The following ZC3H18 variants were observed in gnomAD, a reference collection of about 807,000 sequenced individuals.
ZC3H18 encodes the protein zinc finger CCCH-type containing 18, also known as zinc finger CCCH domain-containing protein 18.
Under a neutral mutation model 106.1 loss-of-function variants are expected in ZC3H18, and 8 were observed. That is an observed-to-expected ratio of 0.08 (90% CI 0.04 to 0.14). ZC3H18 has a LOEUF of 0.14. ZC3H18 is among the 10% of genes least tolerant of loss of function. The pLI is 1.00. For missense variants in ZC3H18, 1,318 were observed against 1,278.4 expected (o/e 1.03, Z -0.47); for synonymous variants, 635 against 522.1 (o/e 1.22, Z -2.95).
At chr16:88,600,957 C>G (rs1391052270) in intron 6 of ZC3H18, among the ~76,000 whole-genome samples, 1 of 152,220 alleles carries the variant, frequency 6.6e-6, no homozygotes, top group Non-Finnish European at 1.5e-5. Context: ...ATCATAATCA[C>G]TATGATTTCT....
chr16:88,608,027 T>C (rs776621929), intron 6 of ZC3H18, among the ~76,000 whole-genome samples: 3 of 152,248 alleles, frequency 2.0e-5, no homozygotes, highest in East Asian at 1.9e-4. Flanking sequence ...GTGAAGACAC[T>C]GATTTCTATG....
At chr16:88,606,550 A>G (rs774335994) in intron 6 of ZC3H18, among the ~76,000 whole-genome samples, 17 of 152,286 alleles carry the variant, frequency 1.1e-4, no homozygotes, top group Middle Eastern at 3.4e-3. Flanking sequence ...TTTCTACCCT[A>G]TTGGGCTTAC....
chr16:88,621,190 G>C (rs976004433), intron 8 of ZC3H18, among the ~76,000 whole-genome samples: 1 of 151,204 alleles, frequency 6.6e-6, no homozygotes, highest in Non-Finnish European at 1.5e-5. Context: ...GATTACAGGC[G>C]CCCGCCACCA....
chr16:88,593,189 A>G (rs1468255734), intron 3 of ZC3H18, among the ~76,000 whole-genome samples: 2 of 152,194 alleles, frequency 1.3e-5, no homozygotes. Context: ...AGGCCCTGCC[A>G]CTTAGCATTG....
intron 16 of ZC3H18, chr16:88,630,168 CTTG>C (rs1208513346): frequency 8.9e-5 from 28 of 315,798 alleles, no homozygotes; most frequent in Admixed American, 1.4e-4. Flanking sequence ...CCATGTCTTT[CTTG>C]TTGTTCCGTA....
intron 3 of ZC3H18, among the ~76,000 whole-genome samples, chr16:88,589,933 AT>A (rs1915644996): frequency 1.3e-5 from 2 of 152,254 alleles, no homozygotes; most frequent in Non-Finnish European, 2.9e-5. Context: ...TACACATTAA[AT>A]GGGAGTATTT....
chr16:88,603,701 C>T (rs1904867154), intron 6 of ZC3H18, among the ~76,000 whole-genome samples: 1 of 149,448 alleles, frequency 6.7e-6, no homozygotes, highest in Non-Finnish European at 1.5e-5. Flanking sequence ...GGGCTCACTG[C>T]AAGCTCTGCC....
chr16:88,592,794 G>A (rs1915828881), intron 3 of ZC3H18, among the ~76,000 whole-genome samples: 1 of 152,176 alleles, frequency 6.6e-6, no homozygotes, highest in Non-Finnish European at 1.5e-5. Context: ...ACCATGCACT[G>A]GCATTTCGAA....
At chr16:88,611,157 G>C (rs1905250270) in intron 7 of ZC3H18, 111 bp from the exon 8 acceptor site, 4 of 687,666 alleles carry the variant, frequency 5.8e-6, no homozygotes, top group Non-Finnish European at 1.1e-5. Context: ...GTGGGGTACA[G>C]GTGTGATTCT....
intron 6 of ZC3H18, 112 bp downstream of exon 6, chr16:88,600,060 C>G: frequency 1.5e-6 from 2 of 1,320,266 alleles, no homozygotes. Flanking sequence ...CCCAGCCCCA[C>G]TCACTGGAGT....
At chr16:88,605,587 C>T (rs1302730504) in intron 6 of ZC3H18, among the ~76,000 whole-genome samples, 2 of 152,228 alleles carry the variant, frequency 1.3e-5, no homozygotes, top group African/African-American at 4.8e-5. Context: ...GAGGTCAGCA[C>T]GATTTCAACC....
chr16:88,598,366 A>T (rs1377904723), intron 4 of ZC3H18, 40 bp downstream of exon 4: 2 of 1,570,178 alleles, frequency 1.3e-6, no homozygotes, highest in African/African-American at 2.7e-5. Context: ...CACATCAGCC[A>T]ACTGAGCTGT....
In ZC3H18 at chr16:88,584,136, C is replaced by T. The variant is rs184021119; in HGVS notation, c.604-2464C>T. Among the ~76,000 whole-genome samples, 205 of 152,118 alleles carry T rather than the reference C, an allele frequency of 1.3e-3. 1 individual carries two copies. The highest frequency in any genetic ancestry group is 2.8e-3 in the African/African-American group (118 of 41,482). On this transcript the variant is annotated intron_variant, in intron 2 of 17. Coordinates refer to ENST00000301011, the MANE Select transcript of ZC3H18 (RefSeq NM_144604.4). ...ATAAAGTAAGAATAAAAATTGGGCA[C>T]GGAGGCTGGGCGTGGTGGCTCACAC...
At chr16:88,586,919 C>T (rs1426739021) in intron 3 of ZC3H18, among the ~76,000 whole-genome samples, 1 of 152,164 alleles carries the variant, frequency 6.6e-6, no homozygotes, top group African/African-American at 2.4e-5. Context: ...GCAGCCTGGT[C>T]ATTCTCATTC....
intron 2 of ZC3H18, among the ~76,000 whole-genome samples, chr16:88,581,561 C>G (rs950869364): frequency 6.6e-6 from 1 of 152,216 alleles, no homozygotes; most frequent in Non-Finnish European, 1.5e-5. Context: ...AGTTTCCGTA[C>G]AGGGCTGGGA....
At chr16:88,616,569 T>G (rs1905621327) in intron 8 of ZC3H18, among the ~76,000 whole-genome samples, 1 of 152,212 alleles carries the variant, frequency 6.6e-6, no homozygotes, top group South Asian at 2.1e-4. Context: ...GCGCAGAATT[T>G]CCAGCCAGTG....
At chr16:88,603,349 G>A (rs908437908) in intron 6 of ZC3H18, among the ~76,000 whole-genome samples, 6 of 151,358 alleles carry the variant, frequency 4.0e-5, no homozygotes, top group Admixed American at 2.0e-4. Flanking sequence ...GGCCGGGCAC[G>A]GTGGCTCACG....
chr16:88,631,664 G>A lies in ZC3H18; in HGVS notation c.*365G>A, dbSNP rs1201516425. 1.9e-5 allele frequency: 9 copies of A among 470,326 alleles called. No homozygotes were observed. The Admixed American group carries it at 2.1e-4, about 11-fold the overall frequency. 29.1% of individuals were successfully genotyped at this position (470,326 alleles called of 1,614,324 possible). ...CTCTGGGTCCCTAGCCCGGGTCCAG[G>A]CAGCCAGGCTCCCTCCTGAGCTGAG... On this transcript the variant is annotated 3_prime_UTR_variant, in exon 18 of 18. Transcript: ENST00000301011.
intron 16 of ZC3H18, 134 bp downstream of exon 16, chr16:88,628,988 C>T (rs1349735958): frequency 1.0e-5 from 8 of 785,414 alleles, no homozygotes; most frequent in South Asian, 1.7e-5. Context: ...CAGATGATGC[C>T]TGTCGGTATT....
Sources: gnomAD v4.1 joint callset for allele counts (sites outside exome capture counted in the v4.1 genomes callset) on GRCh38, gnomAD v4.1.1 for gene constraint, MANE v1.5 for transcripts, NCBI Gene and HGNC (gene_info 2026-07-23, HGNC 2026-07-21) for gene names.